The following STMN4 variants were observed in gnomAD, a reference collection of about 807,000 sequenced individuals.
The protein encoded by STMN4 is stathmin-4.
Under a neutral mutation model 29.1 loss-of-function variants are expected in STMN4, and 12 were observed. That is an observed-to-expected ratio of 0.41 (90% CI 0.26 to 0.67). The LOEUF (loss-of-function observed/expected upper bound fraction) is 0.67, where lower values mean the gene tolerates loss of function less well. Among genes scored for constraint, STMN4 ranks in the 30% least tolerant of loss-of-function variants. STMN4 has a pLI of 0.30. For synonymous variants in STMN4, 114 were observed against 105.3 expected (o/e 1.08, Z -0.51); for missense variants, 181 against 262.8 (o/e 0.69, Z 2.15).
At chr8:27,241,831 C>G in intron 3 of STMN4, 74 bp from the exon 4 acceptor site, 9 of 1,567,138 alleles carry the variant, frequency 5.7e-6, no homozygotes, top group Admixed American at 1.7e-5. Context: ...AAACCCATCT[C>G]TGCTTCTAAC....
chr8:27,243,245 C>T (rs1456673630), intron 2 of STMN4, among the ~76,000 whole-genome samples: 2 of 152,080 alleles, frequency 1.3e-5, no homozygotes, highest in Admixed American at 6.5e-5. Flanking sequence ...TTTGCTTGTA[C>T]AATTTTTTGT....
chr8:27,241,061 C>T lies in STMN4; in HGVS notation c.392G>A (p.Arg131Gln). 1 of 1,613,140 alleles carries T rather than the reference C, an allele frequency of 6.2e-7. No homozygotes were observed. ...GGAAGGGTCAGCATTTACCTTCCTT[C>T]GCTCCTCAGCCGCTTCTAGTTTCTT... ...IQKKLEAAEERRKYQEAELLK... is the reference protein window; with the variant it reads ...IQKKLEAAEEQRKYQEAELLK... The change falls in exon 5 of 7, where the codon CGA becomes CAA. Residue 131 changes from arginine (R) to glutamine (Q), a missense_variant. Transcript: ENST00000350889.
At chr8:27,241,572 G>C in intron 4 of STMN4, 105 bp downstream of exon 4, 1 of 1,362,558 alleles carries the variant, frequency 7.3e-7, no homozygotes. Context: ...TGCTCAATTT[G>C]TCGTCCGTGG....
intron 1 of STMN4, among the ~76,000 whole-genome samples, chr8:27,248,722 C>T (rs1801700781): frequency 1.3e-5 from 2 of 152,220 alleles, no homozygotes; most frequent in African/African-American, 2.4e-5. Context: ...ACCGTCGTCA[C>T]ACAGGTAGGT....
Position 27,235,802 on chromosome 8 carries a change from A to C in STMN4, c.*1044T>G, listed in dbSNP as rs1295867091. 1 of 152,382 alleles carries C rather than the reference A, an allele frequency of 6.6e-6. No homozygotes were observed. The highest frequency in any genetic ancestry group is 1.5e-5 in the Non-Finnish European group (1 of 68,094). The allele number at this position is 152,382 out of a possible 1,614,324, so 9.4% of individuals were successfully genotyped here. A position where few individuals can be genotyped will look rare whatever the true frequency, so the allele number is the denominator to read the frequency against. ...CCCTTCTGCCATGTGAGGATGCAGC[A>C]AAAAGGCATCATCTTTGAAGCAGAT... On this transcript the variant is annotated 3_prime_UTR_variant, in exon 7 of 7. Coordinates refer to ENST00000350889, the MANE Select transcript of STMN4 (RefSeq NM_030795.4).
At chr8:27,250,687 TCTTG>T (rs962047517) in intron 1 of STMN4, among the ~76,000 whole-genome samples, 5 of 152,192 alleles carry the variant, frequency 3.3e-5, no homozygotes, top group Non-Finnish European at 5.9e-5. Context: ...CCTCTTAGGC[TCTTG>T]CTTCCAACAG....
At chr8:27,257,745 G>T (rs1397610900) in intron 1 of STMN4, among the ~76,000 whole-genome samples, 1 of 152,038 alleles carries the variant, frequency 6.6e-6, no homozygotes, top group Admixed American at 6.6e-5. Context: ...GCAGTTCTGG[G>T]TGTCTGCAGT....
chr8:27,251,007 G>T (rs572616426), intron 1 of STMN4, among the ~76,000 whole-genome samples: 3 of 152,126 alleles, frequency 2.0e-5, no homozygotes, highest in African/African-American at 7.2e-5. Flanking sequence ...CCAACACTTT[G>T]GGAGGCTGAG....
intron 6 of STMN4, among the ~76,000 whole-genome samples, chr8:27,238,723 C>T (rs948345169): frequency 5.3e-5 from 8 of 152,236 alleles, no homozygotes; most frequent in African/African-American, 9.6e-5. Context: ...TTATTAGTTT[C>T]GTGACCCTGG....
At chr8:27,247,735 T>C (rs1801666369) in intron 1 of STMN4, among the ~76,000 whole-genome samples, 1 of 152,148 alleles carries the variant, frequency 6.6e-6, no homozygotes, top group Non-Finnish European at 1.5e-5. Context: ...GTGCCAGGGA[T>C]TCAGGTGGCA....
At chr8:27,256,578 TAC>T in intron 1 of STMN4, among the ~76,000 whole-genome samples, 1 of 152,218 alleles carries the variant, frequency 6.6e-6, no homozygotes, top group South Asian at 2.1e-4. Flanking sequence ...TGATTACAGA[TAC>T]AGACATATAT....
chr8:27,252,314 G>C (rs1295783459), intron 1 of STMN4, among the ~76,000 whole-genome samples: 2 of 152,130 alleles, frequency 1.3e-5, no homozygotes, highest in Admixed American at 1.3e-4. Context: ...ATAGTCCTTT[G>C]GGTATATACC....
intron 1 of STMN4, among the ~76,000 whole-genome samples, chr8:27,250,679 T>C (rs1483543348): frequency 6.6e-6 from 1 of 152,186 alleles, no homozygotes; most frequent in Non-Finnish European, 1.5e-5. Context: ...TTTAATCACC[T>C]CTTAGGCTCT....
At position 27,245,112 on chromosome 8, in the gene STMN4, C is replaced by T. The variant is rs1801589033; in HGVS notation, c.-78-1311G>A. Among the ~76,000 whole-genome samples, 3 of 152,334 alleles carry T rather than the reference C, an allele frequency of 2.0e-5. No homozygotes were observed. The South Asian group carries it at 6.2e-4, about 32-fold the overall frequency. ...CCAGTGTGGGGTCAAATACAAGTAT[C>T]ACCTCTCTTACCAGCTCTCGCTAGT... On this transcript the variant is annotated intron_variant, in intron 1 of 6. Coordinates refer to ENST00000350889, the MANE Select transcript of STMN4 (RefSeq NM_030795.4).
chr8:27,249,759 C>G (rs2130132222), intron 1 of STMN4, among the ~76,000 whole-genome samples: 1 of 152,322 alleles, frequency 6.6e-6, no homozygotes, highest in East Asian at 1.9e-4. Flanking sequence ...AGGGGGCAAA[C>G]AGAAAAGCAC....
chr8:27,254,707 T>C (rs1186389963), intron 1 of STMN4, among the ~76,000 whole-genome samples: 23 of 136,706 alleles, frequency 1.7e-4, no homozygotes, highest in African/African-American at 6.0e-4. Flanking sequence ...AGCACTCATA[T>C]ATGTGTGTGT....
At chr8:27,240,299 A>C in intron 5 of STMN4, 137 bp from the exon 6 acceptor site, 1 of 906,690 alleles carries the variant, frequency 1.1e-6, no homozygotes, top group Non-Finnish European at 1.6e-6. Context: ...AGCAGGAAAC[A>C]AGGACACTTC....
chr8:27,252,753 T>C (rs1338886266), intron 1 of STMN4, among the ~76,000 whole-genome samples: 2 of 152,248 alleles, frequency 1.3e-5, no homozygotes, highest in Admixed American at 1.3e-4. Context: ...GCCCATGCAA[T>C]TTCTGATAAA....
intron 1 of STMN4, among the ~76,000 whole-genome samples, chr8:27,247,823 C>T (rs1358048102): frequency 1.3e-5 from 2 of 152,262 alleles, no homozygotes; most frequent in South Asian, 4.1e-4. Context: ...AGATTCTATC[C>T]AAGACGTCAG....
Sources: allele counts gnomAD v4.1 joint callset (sites outside exome capture counted in the v4.1 genomes callset), GRCh38; gene constraint gnomAD v4.1.1; transcripts MANE v1.5; gene names NCBI Gene and HGNC (gene_info 2026-07-23, HGNC 2026-07-21).